The following KIF27 variants were observed in gnomAD, a reference collection of about 807,000 sequenced individuals.
KIF27 encodes the protein kinesin family member 27.
Under a neutral mutation model 141.8 loss-of-function variants are expected in KIF27, and 84 were observed. That is an observed-to-expected ratio of 0.59 (90% CI 0.50 to 0.71). The LOEUF (loss-of-function observed/expected upper bound fraction) is 0.71. Among genes scored for constraint, KIF27 ranks in the 30% least tolerant of loss-of-function variants. KIF27 has a pLI of 0.00. For synonymous variants in KIF27, 471 were observed against 569.5 expected, an observed-to-expected ratio of 0.83 and a Z score of 2.46; for missense variants, 1,306 against 1,628.4, an observed-to-expected ratio of 0.80 and a Z score of 3.41.
chr9:83,877,178 T>C (rs904913479), intron 11 of KIF27, among the ~76,000 whole-genome samples: 1 of 152,240 alleles, frequency 6.6e-6, no homozygotes, highest in African/African-American at 2.4e-5. Context: ...TCTCTTCACA[T>C]AGTTAGCATT....
chr9:83,880,581 G>T (rs1018830101), intron 10 of KIF27, 87 bp from the exon 11 acceptor site: 7 of 1,042,174 alleles, frequency 6.7e-6, no homozygotes, highest in Non-Finnish European at 9.8e-6. Context: ...GATGGTAAAA[G>T]AAGAAATTTT....
chr9:83,845,434 G>A (rs36110461), intron 16 of KIF27, among the ~76,000 whole-genome samples: 25 of 152,272 alleles, frequency 1.6e-4, no homozygotes, highest in African/African-American at 5.5e-4. Context: ...GTTACATGAG[G>A]AAGTGGCACA....
In KIF27 at chr9:83,889,215, T is replaced by C. The variant is rs574858708; in HGVS notation, c.1848A>G (p.Ile616Met). 2 of 1,613,724 alleles carry C rather than the reference T, an allele frequency of 1.2e-6. No individual in the cohort carries two copies. Among genetic ancestry groups the C allele is most frequent in the South Asian group, 1.1e-5 (1 of 91,028 alleles). The change falls in exon 7 of 18, where the codon ATA becomes ATG. Residue 616 changes from isoleucine to methionine, a missense_variant. This residue lies in a region of KIF27 where 596 missense variants were observed against 751.6 expected (regional missense o/e 0.79). Coordinates refer to ENST00000297814, the MANE Select transcript of KIF27 (RefSeq NM_017576.4). Reference protein sequence around the residue: ...TSPPMYSLDRIFAGFRTRSQM... With the variant: ...TSPPMYSLDRMFAGFRTRSQM... ...GACTTCGTGTTCGAAATCCAGCAAA[T>C]ATTCGATCCAGAGAGTACATAGGCG...
intron 11 of KIF27, among the ~76,000 whole-genome samples, chr9:83,876,335 T>C (rs1951202512): frequency 6.6e-6 from 1 of 152,188 alleles, no homozygotes; most frequent in Non-Finnish European, 1.5e-5. Flanking sequence ...TCTAAAAGAA[T>C]ATCTAGGAAC....
intron 16 of KIF27, among the ~76,000 whole-genome samples, chr9:83,846,903 G>A (rs955705592): frequency 3.3e-5 from 5 of 152,198 alleles, no homozygotes; most frequent in South Asian, 2.1e-4. Flanking sequence ...GAGTTACAGT[G>A]TTGGCTGGGG....
Position 83,848,130 on chromosome 9 carries a change from C to CTCATATCTGATATATCTGATATA in KIF27, c.3556+1968_3556+1969insTATATCAGATATATCAGATATGA, listed in dbSNP as rs1564284174. ...ATCTCATATCTGATATATCTGATAT[C>CTCATATCTGATATATCTGATATA]TCATATATGATATATCTGATATATC... is the stretch of plus-strand genomic sequence containing the variant. On this transcript the variant is annotated intron_variant, in intron 16 of 17. Coordinates refer to ENST00000297814, the MANE Select transcript of KIF27 (RefSeq NM_017576.4). Among the ~76,000 whole-genome samples the CTCATATCTGATATATCTGATATA allele has an allele frequency of 6.1e-4, 12 of 19,768 alleles. 4 individuals are homozygous for CTCATATCTGATATATCTGATATA. Among genetic ancestry groups the CTCATATCTGATATATCTGATATA allele is most frequent in the African/African-American group, 1.7e-3 (4 of 2,412 alleles). 13.0% of individuals were successfully genotyped at this position (19,768 alleles called of 152,430 possible).
At chr9:83,840,486 T>G (rs1361298410) in intron 17 of KIF27, among the ~76,000 whole-genome samples, 12 of 152,268 alleles carry the variant, frequency 7.9e-5, no homozygotes, top group South Asian at 2.1e-4. Flanking sequence ...AAGATCCAGA[T>G]TTCTTAAACC....
At chr9:83,903,016 A>T (rs764076751) in intron 4 of KIF27, 44 bp downstream of exon 4, 5 of 1,213,364 alleles carry the variant, frequency 4.1e-6, no homozygotes, top group Non-Finnish European at 5.8e-6. Context: ...TCTATTATGT[A>T]TCAATAAAAT....
At chr9:83,860,143 T>G (rs1404850338) in intron 13 of KIF27, 1 of 152,224 alleles carries the variant, frequency 6.6e-6, no homozygotes, top group African/African-American at 2.4e-5. Flanking sequence ...AGATGTTCAC[T>G]ATGGTCAAAT....
intron 14 of KIF27, chr9:83,858,646 T>G (rs1385472060): frequency 6.5e-6 from 1 of 153,484 alleles, no homozygotes; most frequent in Non-Finnish European, 1.5e-5. Context: ...AAAAGGTCTT[T>G]TACTGGGATT....
rs1414500674 is a variant in KIF27 at position 83,842,361 on chromosome 9, A to T, written c.3597T>A (p.Tyr1199Ter). ...GEGIMETFKT[Y>*]EDKIQQLEKD... The stretch of plus-strand genomic sequence containing the variant: ...TTTCCAACTGCTGGATTTTATCTTC[A>T]TATGTTTTGAAAGTTTCCATAATGC... The change falls in exon 17 of 18, where the codon TAT (tyrosine) becomes TAA (stop). Residue 1199 changes from tyrosine to a stop codon, truncating the protein, a stop_gained. Coordinates refer to ENST00000297814, the MANE Select transcript of KIF27 (RefSeq NM_017576.4). LOFTEE classifies it high-confidence loss of function. 6.5e-7 allele frequency: 1 copy of T among 1,537,362 alleles called. No individual in the cohort carries two copies. The highest frequency in any genetic ancestry group is 8.7e-7 in the Non-Finnish European group (1 of 1,150,364).
intron 3 of KIF27, among the ~76,000 whole-genome samples, chr9:83,906,971 C>T (rs929005141): frequency 1.4e-4 from 21 of 151,270 alleles, no homozygotes; most frequent in African/African-American, 3.9e-4. Context: ...CAAAACTGTG[C>T]GTAGGGTTGC....
intron 5 of KIF27, 119 bp downstream of exon 5, chr9:83,899,542 C>T (rs576220576): frequency 2.7e-6 from 2 of 748,308 alleles, no homozygotes; most frequent in Non-Finnish European, 4.2e-6. Flanking sequence ...TGCCTATGTT[C>T]AGAACTCTTC....
At chr9:83,902,458 G>C (rs114148892) in intron 4 of KIF27, among the ~76,000 whole-genome samples, 2 of 152,138 alleles carry the variant, frequency 1.3e-5, no homozygotes, top group Non-Finnish European at 2.9e-5. Flanking sequence ...TGAATGAAAA[G>C]TGGGGAAATG....
chr9:83,864,273 T>A (rs1395239140), intron 13 of KIF27, among the ~76,000 whole-genome samples: 2 of 152,188 alleles, frequency 1.3e-5, no homozygotes, highest in Non-Finnish European at 2.9e-5. Context: ...GTTAGGCTGT[T>A]AATTTTAGAT....
At chr9:83,899,281 G>A (rs1355044237) in intron 5 of KIF27, among the ~76,000 whole-genome samples, 2 of 152,136 alleles carry the variant, frequency 1.3e-5, no homozygotes, top group African/African-American at 4.8e-5. Flanking sequence ...AATCACTCAC[G>A]AGGTGTAAGA....
chr9:83,848,175 T>C lies in KIF27; in HGVS notation c.3556+1924A>G, dbSNP rs1384339587. Among the ~76,000 whole-genome samples, 2 of 69,990 alleles carry C rather than the reference T, an allele frequency of 2.9e-5. 1 individual carries two copies. The highest frequency in any genetic ancestry group is 5.2e-5 in the Non-Finnish European group (2 of 38,336). 45.9% of individuals were successfully genotyped at this position (69,990 alleles called of 152,430 possible). A position where few individuals can be genotyped will look rare whatever the true frequency, so the allele number is the denominator to read the frequency against. ...TATATCATATATGATATATCTGATA[T>C]ATCATATATGATATATATGATATAT... is the stretch of plus-strand genomic sequence containing the variant. On this transcript the variant is annotated intron_variant, in intron 16 of 17. Transcript: ENST00000297814.
At chr9:83,913,220 A>G (rs1244037224) in intron 2 of KIF27, among the ~76,000 whole-genome samples, 7 of 152,198 alleles carry the variant, frequency 4.6e-5, no homozygotes, top group Non-Finnish European at 8.8e-5. Flanking sequence ...AAAGGTTTTT[A>G]AAATAAAGTA....
chr9:83,920,384 A>T (rs575307624), intron 1 of KIF27, among the ~76,000 whole-genome samples: 20 of 152,170 alleles, frequency 1.3e-4, no homozygotes, highest in African/African-American at 2.9e-4. Flanking sequence ...TAAATGATTT[A>T]AAAAAAAGCA....
Sources: allele counts gnomAD v4.1 joint callset (sites outside exome capture counted in the v4.1 genomes callset), GRCh38; gene constraint gnomAD v4.1.1; regional missense constraint gnomAD v4.1.1; transcripts MANE v1.5; gene names NCBI Gene and HGNC (gene_info 2026-07-23, HGNC 2026-07-21).